Variants in AKAP7 observed in about 807,000 individuals in gnomAD.
The protein encoded by AKAP7 is A kinase (PRKA) anchor protein 7.
A neutral mutation model predicts 39.5 loss-of-function variants in AKAP7; 39 were observed. The observed-to-expected ratio is 0.99, with a 90% CI of 0.76 to 1.29. The LOEUF (loss-of-function observed/expected upper bound fraction) is 1.29, where lower values mean the gene tolerates loss of function less well. Among genes scored for constraint, AKAP7 ranks in the 50% most tolerant of loss-of-function variants. AKAP7 has a pLI of 0.00. For synonymous variants in AKAP7, 140 were observed against 139.1 expected, an observed-to-expected ratio of 1.01 and a Z score of -0.05; for missense variants, 414 against 407.7, an observed-to-expected ratio of 1.02 and a Z score of -0.13.
chr6:131,224,782 C>T (rs1810020968), intron 7 of AKAP7, among the ~76,000 whole-genome samples: 2 of 129,548 alleles, frequency 1.5e-5, no homozygotes, highest in African/African-American at 5.9e-5. Context: ...TGCTCTTTCA[C>T]CCAGGCTGGA....
intron 6 of AKAP7, among the ~76,000 whole-genome samples, chr6:131,216,190 T>G (rs1476552068): frequency 1.3e-5 from 2 of 152,250 alleles, no homozygotes; most frequent in Non-Finnish European, 2.9e-5. Context: ...TAAGTGTATC[T>G]TATTTTTTAG....
At chr6:131,264,975 T>G (rs928865018) in intron 7 of AKAP7, among the ~76,000 whole-genome samples, 1 of 152,142 alleles carries the variant, frequency 6.6e-6, no homozygotes, top group African/African-American at 2.4e-5. Flanking sequence ...ATGAGAGATC[T>G]GCCCCATGAT....
chr6:131,197,130 T>C (rs1807017503), intron 5 of AKAP7, among the ~76,000 whole-genome samples: 1 of 152,132 alleles, frequency 6.6e-6, no homozygotes, highest in African/African-American at 2.4e-5. Flanking sequence ...TTTTGCTTAA[T>C]GGATCATGGC....
At chr6:131,211,443 T>C (rs529073436) in intron 6 of AKAP7, among the ~76,000 whole-genome samples, 1 of 152,248 alleles carries the variant, frequency 6.6e-6, no homozygotes, top group African/African-American at 2.4e-5. Flanking sequence ...TGTTTATAGA[T>C]ACAGGCTGAC....
At chr6:131,236,144 C>T (rs980149948) in intron 7 of AKAP7, among the ~76,000 whole-genome samples, 15 of 152,174 alleles carry the variant, frequency 9.9e-5, no homozygotes, top group Non-Finnish European at 1.8e-4. Flanking sequence ...TTTCCCAGCA[C>T]CATTTATTAA....
chr6:131,190,665 AAG>A (rs1296426818), intron 5 of AKAP7, among the ~76,000 whole-genome samples: 1 of 152,038 alleles, frequency 6.6e-6, no homozygotes, highest in East Asian at 1.9e-4. Flanking sequence ...AAAGGAAAAA[AAG>A]AGAAAAATGT....
At chr6:131,131,101 G>C (rs1800318164), upstream of AKAP7, among the ~76,000 whole-genome samples, 1 of 152,182 alleles carries the variant, frequency 6.6e-6, no homozygotes, top group South Asian at 2.1e-4. Context: ...GAAAGTGACT[G>C]ACAAATCCAG....
intron 7 of AKAP7, among the ~76,000 whole-genome samples, chr6:131,265,350 A>C (rs577781253): frequency 3.0e-4 from 46 of 152,230 alleles, no homozygotes; most frequent in African/African-American, 1.0e-3. Flanking sequence ...GGCCAGCCTG[A>C]TCTCAAGCTC....
intron 6 of AKAP7, among the ~76,000 whole-genome samples, chr6:131,209,538 C>T (rs914114324): frequency 1.3e-5 from 2 of 152,114 alleles, no homozygotes; most frequent in African/African-American, 2.4e-5. Context: ...GCGTGAGCCA[C>T]CACACCCAGC....
intron 7 of AKAP7, among the ~76,000 whole-genome samples, chr6:131,230,823 C>T (rs550169114): frequency 6.6e-6 from 1 of 152,190 alleles, no homozygotes; most frequent in Admixed American, 6.5e-5. Context: ...TTCTACATTG[C>T]AACTAAACTT....
intron 5 of AKAP7, among the ~76,000 whole-genome samples, chr6:131,171,534 G>A (rs188994911): frequency 3.2e-4 from 49 of 152,284 alleles, no homozygotes; most frequent in Non-Finnish European, 2.1e-4. Flanking sequence ...AGATTCGTAT[G>A]CTAAAGGGAG....
rs538987534 is a variant in AKAP7 at position 131,259,105 on chromosome 6, T to C, written c.851-22425T>C. 8.5e-5 allele frequency among the ~76,000 whole-genome samples: 13 copies of C among 152,370 alleles called. No homozygotes were observed. In the South Asian group the frequency reaches 2.5e-3, roughly 29 times the overall value. The stretch of plus-strand genomic sequence containing the variant: ...AGATAGTAGTTGTTGGCATTTGCCA[T>C]GTGAATTACATCAGGCTTCAGTTTG... On this transcript the variant is annotated intron_variant, in intron 7 of 7. Transcript: ENST00000431975.
At chr6:131,134,586 G>A (rs1800407147), upstream of AKAP7, among the ~76,000 whole-genome samples, 1 of 152,180 alleles carries the variant, frequency 6.6e-6, no homozygotes, top group Non-Finnish European at 1.5e-5. Context: ...CAGAGCTCAA[G>A]CATTAAATAA....
At chr6:131,159,287 G>A (rs2063164868) in intron 2 of AKAP7, among the ~76,000 whole-genome samples, 1 of 151,826 alleles carries the variant, frequency 6.6e-6, no homozygotes. Flanking sequence ...TAGAGACGAG[G>A]TTTCACCGTG....
intron 7 of AKAP7, among the ~76,000 whole-genome samples, chr6:131,272,094 T>C (rs1240677807): frequency 6.6e-6 from 1 of 152,196 alleles, no homozygotes; most frequent in East Asian, 1.9e-4. Flanking sequence ...AAAAATCCCA[T>C]TCATTTCTGT....
intron 7 of AKAP7, among the ~76,000 whole-genome samples, chr6:131,273,171 T>A (rs768806241): frequency 1.3e-5 from 2 of 152,222 alleles, no homozygotes; most frequent in Non-Finnish European, 2.9e-5. Flanking sequence ...TAGTGTGGCA[T>A]ACCTTTTTCC....
intron 7 of AKAP7, among the ~76,000 whole-genome samples, chr6:131,223,893 T>C (rs1809925498): frequency 6.6e-6 from 1 of 152,206 alleles, no homozygotes; most frequent in African/African-American, 2.4e-5. Context: ...TTCAAGCCAC[T>C]GAGATTTCGC....
At chr6:131,144,301 C>T (rs536941515) in intron 1 of AKAP7, among the ~76,000 whole-genome samples, 4 of 152,132 alleles carry the variant, frequency 2.6e-5, no homozygotes, top group South Asian at 2.1e-4. Context: ...GGGGTCGTGG[C>T]GGGGCAGAGG....
chr6:131,154,679 A>G (rs2128234249), intron 2 of AKAP7, among the ~76,000 whole-genome samples: 1 of 152,182 alleles, frequency 6.6e-6, no homozygotes, highest in Admixed American at 6.5e-5. Flanking sequence ...AAATATCCTT[A>G]CTATACCAAA....
Sources: allele counts gnomAD v4.1 joint callset (sites outside exome capture counted in the v4.1 genomes callset), GRCh38; gene constraint gnomAD v4.1.1; transcripts MANE v1.5; gene names NCBI Gene and HGNC (gene_info 2026-07-23, HGNC 2026-07-21).